Variants in RYR2 observed in about 807,000 individuals in gnomAD.
RYR2 encodes the protein cardiac muscle ryanodine receptor-calcium release channel.
RYR2 carries 227 observed loss-of-function variants against 601.1 expected under a neutral mutation model. The ratio of observed to expected loss-of-function variants is 0.38; its 90% CI spans 0.34 to 0.42. RYR2 has a LOEUF of 0.42. Ranked by LOEUF, RYR2 falls within the 10% of genes least tolerant of loss-of-function variation. The pLI, the probability that RYR2 is intolerant of heterozygous loss-of-function variation, is 1.00. For synonymous variants in RYR2, 2,223 were observed against 2,175.1 expected (o/e 1.02, Z -0.61); for missense variants, 4,646 against 6,156.5 (o/e 0.75, Z 8.21).
At chr1:237,216,055 C>T (rs750682134) in intron 1 of RYR2, among the ~76,000 whole-genome samples, 17 of 152,146 alleles carry the variant, frequency 1.1e-4, no homozygotes, top group Non-Finnish European at 2.2e-4. Context: ...CATAAATTAA[C>T]GATATTTAAC....
chr1:237,454,634 G>C (rs539227142), intron 15 of RYR2, 60 bp downstream of exon 15: 3 of 1,549,676 alleles, frequency 1.9e-6, no homozygotes, highest in East Asian at 4.7e-5. Context: ...CAGCTTCTTG[G>C]TTGGGAAAAT....
At chr1:237,632,412 T>TTGG (rs1459039511) in intron 42 of RYR2, among the ~76,000 whole-genome samples, 1 of 136,694 alleles carries the variant, frequency 7.3e-6, no homozygotes. Flanking sequence ...TTTTTTTTTT[T>TTGG]GAGACGGAGT....
intron 2 of RYR2, among the ~76,000 whole-genome samples, chr1:237,282,087 T>C (rs1690950461): frequency 6.6e-6 from 1 of 152,126 alleles, no homozygotes; most frequent in Admixed American, 6.5e-5. Context: ...ATAAAGTATA[T>C]ACTGCAGAAA....
chr1:237,075,325 C>T (rs570947605), intron 1 of RYR2, among the ~76,000 whole-genome samples: 18 of 151,592 alleles, frequency 1.2e-4, no homozygotes, highest in Admixed American at 2.0e-4. Flanking sequence ...GCGTGAGCGA[C>T]GCAGAAGACG....
At position 237,122,626 on chromosome 1, in the gene RYR2, G is replaced by A. The variant is rs139585044; in HGVS notation, c.48+80057G>A. Among the ~76,000 whole-genome samples, 564 of 152,314 alleles carry A rather than the reference G, an allele frequency of 3.7e-3. 2 individuals are homozygous for A. The highest frequency in any genetic ancestry group is 0.013 in the African/African-American group (540 of 41,560). ...GAACCTAGGAGGTGGAGATTGCAGT[G>A]AGCTGAGATCGCGCCACTGCACTCC... On this transcript the variant is annotated intron_variant, in intron 1 of 104. Transcript: ENST00000366574.
rs375021201 is a variant in RYR2, at chr1:237,783,759, T to A, written c.12047T>A (p.Phe4016Tyr). ...AACAACGTGGAGATGATTCTCAAAT[T>A]TTTTGACATGTTCTTAAAACTAAAG... is the stretch of plus-strand genomic sequence containing the variant. The part of the protein sequence containing the change: ...SSNNVEMILK[F>Y]FDMFLKLKDL... The change falls in exon 90 of 105, where the codon TTT (phenylalanine) becomes TAT (tyrosine). Residue 4016 changes from phenylalanine to tyrosine, a missense_variant. Around this residue, in one of 17 missense-constraint regions of RYR2, gnomAD observed 90 missense variants for 213.3 expected, o/e 0.42. Transcript: ENST00000366574. 1.2e-4 allele frequency: 187 copies of A among 1,612,858 alleles called. No homozygotes were observed. The highest frequency in any genetic ancestry group is 1.5e-4 in the Non-Finnish European group (176 of 1,179,444).
chr1:237,705,840 T>A (rs1688325755), intron 67 of RYR2, among the ~76,000 whole-genome samples: 1 of 152,318 alleles, frequency 6.6e-6, no homozygotes, highest in African/African-American at 2.4e-5. Context: ...TTAAGAAACA[T>A]GGCTTTACAG....
At chr1:237,629,886 A>G (rs1279706210) in intron 41 of RYR2, among the ~76,000 whole-genome samples, 2 of 152,178 alleles carry the variant, frequency 1.3e-5, no homozygotes, top group Non-Finnish European at 2.9e-5. Flanking sequence ...TAATTGTTGC[A>G]CACTAAAAAT....
At chr1:237,283,704 A>T (rs1237863769) in intron 2 of RYR2, among the ~76,000 whole-genome samples, 3 of 152,194 alleles carry the variant, frequency 2.0e-5, no homozygotes, top group Non-Finnish European at 2.9e-5. Flanking sequence ...GCTGGAGTAA[A>T]TATTCATATT....
chr1:237,559,856 A>G (rs1413787153), intron 27 of RYR2, among the ~76,000 whole-genome samples: 2 of 152,302 alleles, frequency 1.3e-5, no homozygotes, highest in South Asian at 4.2e-4. Context: ...TTTCTAAACT[A>G]GTTTAGTAGA....
chr1:237,542,906 C>T lies in RYR2; in HGVS notation c.2907-5525C>T, dbSNP rs74150107. 5.2e-3 allele frequency among the ~76,000 whole-genome samples: 786 copies of T among 152,182 alleles called. 6 individuals are homozygous for T. Among genetic ancestry groups the T allele is most frequent in the African/African-American group, 0.018 (757 of 41,524 alleles). ...ACTTTGGCTCTGCGATCTATCTGGT[C>T]CTCACTTGGGCAGAAGGCTGGGGAG... On this transcript the variant is annotated intron_variant, in intron 25 of 104. Transcript: ENST00000366574.
chr1:237,527,418 T>A (rs993329622), intron 24 of RYR2, among the ~76,000 whole-genome samples: 37 of 152,214 alleles, frequency 2.4e-4, no homozygotes, highest in African/African-American at 8.9e-4. Context: ...ATACATAAAA[T>A]TAGCCATCAC....
At chr1:237,370,959 C>G (rs1487106890) in intron 6 of RYR2, among the ~76,000 whole-genome samples, 1 of 150,732 alleles carries the variant, frequency 6.6e-6, no homozygotes. Flanking sequence ...CGCGCCCGGC[C>G]TCATTCCATT....
chr1:237,549,093 T>TCATA (rs1489397330), intron 26 of RYR2, among the ~76,000 whole-genome samples: 2 of 152,188 alleles, frequency 1.3e-5, no homozygotes, highest in African/African-American at 4.8e-5. Context: ...GGAGGCATGG[T>TCATA]CATACCAAAG....
At chr1:237,424,750 T>G (rs944867241) in intron 12 of RYR2, among the ~76,000 whole-genome samples, 1 of 152,236 alleles carries the variant, frequency 6.6e-6, no homozygotes, top group Non-Finnish European at 1.5e-5. Flanking sequence ...ATTTTCTGTA[T>G]GCTTAATAAA....
At chr1:237,628,152 A>G (rs1243549055) in intron 41 of RYR2, 72 bp downstream of exon 41, 3 of 1,455,628 alleles carry the variant, frequency 2.1e-6, no homozygotes, top group East Asian at 2.3e-5. Flanking sequence ...AGAGCAGTAC[A>G]TTAACTACAT....
chr1:237,242,172 C>A (rs1353261243), intron 1 of RYR2, among the ~76,000 whole-genome samples: 1 of 148,228 alleles, frequency 6.7e-6, no homozygotes, highest in Non-Finnish European at 1.5e-5. Flanking sequence ...TCCAGTATGC[C>A]TAAACAGTAT....
chr1:237,462,549 GCAA>G (rs1659599248), intron 16 of RYR2, among the ~76,000 whole-genome samples: 1 of 152,130 alleles, frequency 6.6e-6, no homozygotes, highest in Admixed American at 6.6e-5. Flanking sequence ...TGGCCGCTGG[GCAA>G]ACTTTCCTAT....
chr1:237,464,134 A>G (rs1210494585), intron 16 of RYR2, among the ~76,000 whole-genome samples: 1 of 152,126 alleles, frequency 6.6e-6, no homozygotes, highest in African/African-American at 2.4e-5. Flanking sequence ...TTGCAGCAAG[A>G]CATCACCTAT....
Sources: gnomAD v4.1 joint callset for allele counts (sites outside exome capture counted in the v4.1 genomes callset) on GRCh38, gnomAD v4.1.1 for gene constraint, gnomAD v4.1.1 regional missense constraint, MANE v1.5 for transcripts, NCBI Gene and HGNC (gene_info 2026-07-23, HGNC 2026-07-21) for gene names.